SPDYE2B: variants seen among roughly 807,000 people sequenced by gnomAD.
SPDYE2B encodes the protein speedy protein E2B.
In SPDYE2B at chr7:102,662,245, G is replaced by C. The variant is rs1305834066; in HGVS notation, c.*1145G>C. Among the ~76,000 whole-genome samples, 1 of 38,736 alleles carries C rather than the reference G, an allele frequency of 2.6e-5. No individual in the cohort carries two copies. The highest frequency in any genetic ancestry group is 1.3e-3 in the East Asian group (1 of 776). The allele number at this position is 38,736 out of a possible 152,430, so 25.4% of individuals were successfully genotyped here. ...GTTATATACACATACATATAATTTT[G>C]TTTTCCTTTTTAAGAGAGGATTCTT... On this transcript the variant is annotated 3_prime_UTR_variant, in exon 9 of 9. Transcript: ENST00000507450.
At chr7:102,654,694 T>TCAA (rs1464567170) in intron 3 of SPDYE2B, among the ~76,000 whole-genome samples, 1 of 19,670 alleles carries the variant, frequency 5.1e-5, no homozygotes, top group African/African-American at 1.1e-4. Context: ...AGACTGTTTC[T>TCAA]CAACAACAAC....
chr7:102,654,324 C>CAAAAAAAAAAAAAAAAA (rs1284683166), intron 3 of SPDYE2B, among the ~76,000 whole-genome samples: 1 of 96,084 alleles, frequency 1.0e-5, no homozygotes, highest in South Asian at 4.2e-4. Flanking sequence ...GACGCTGTCT[C>CAAAAAAAAAAAAAAAAA]AAAAAAAAAA....
chr7:102,658,897 GC>G (rs1791916220), intron 6 of SPDYE2B, among the ~76,000 whole-genome samples: 2 of 144,664 alleles, frequency 1.4e-5, no homozygotes, highest in Admixed American at 7.0e-5. Context: ...AGACAGACTT[GC>G]CCTGTCCCCC....
intron 3 of SPDYE2B, among the ~76,000 whole-genome samples, chr7:102,654,541 CA>C (rs1791825897): frequency 2.1e-5 from 1 of 48,594 alleles, no homozygotes; most frequent in Non-Finnish European, 3.7e-5. Flanking sequence ...TCTAGAAGCA[CA>C]AAAATGAGCT....
chr7:102,660,014 GA>G lies in SPDYE2B; in HGVS notation c.1083del (p.Lys361AsnfsTer10). On this transcript the variant is annotated frameshift_variant, in exon 7 of 9. Transcript: ENST00000507450. LOFTEE classifies it high-confidence loss of function. ...ACCGCTCTCAGATAGTCCTGTTCCAGAAACGACGGTTCCACTTCTTCTGTTC... is the reference window on the plus strand; with the variant it reads ...ACCGCTCTCAGATAGTCCTGTTCCAGAACGACGGTTCCACTTCTTCTGTTC... The part of the protein sequence containing the change: ...KNRSQIVLFQ[K>X]RRFHFFCSMS... 3.3e-6 allele frequency: 1 copy of G among 304,484 alleles called. No individual in the cohort carries two copies. The highest frequency in any genetic ancestry group is 5.9e-5 in the East Asian group (1 of 16,866). The allele number at this position is 304,484 out of a possible 1,614,324, so 18.9% of individuals were successfully genotyped here. A position where few individuals can be genotyped will look rare whatever the true frequency, so the allele number is the denominator to read the frequency against.
At chr7:102,654,317 G>A (rs1399856761) in intron 3 of SPDYE2B, among the ~76,000 whole-genome samples, 2 of 92,114 alleles carry the variant, frequency 2.2e-5, no homozygotes, top group African/African-American at 5.6e-5. Context: ...AGAGTGAGAC[G>A]CTGTCTCAAA....
intron 5 of SPDYE2B, 113 bp downstream of exon 5, chr7:102,656,419 T>TA: frequency 1.6e-5 from 6 of 376,068 alleles, no homozygotes; most frequent in East Asian, 9.6e-5. Context: ...GCTCCTACAG[T>TA]CTTTTTTTTT....
chr7:102,653,560 TGAG>T lies in SPDYE2B; in HGVS notation c.274_276del (p.Glu92del), dbSNP rs1791772467. 1 of 588,436 alleles carries T rather than the reference TGAG, an allele frequency of 1.7e-6. No homozygotes were observed. Among genetic ancestry groups the T allele is most frequent in the African/African-American group, 2.0e-5 (1 of 49,664 alleles). 36.5% of individuals were successfully genotyped at this position (588,436 alleles called of 1,614,324 possible). On this transcript the variant is annotated inframe_deletion, in exon 3 of 9. Transcript: ENST00000507450. ...CGGAGAAGGAGCTCGCCCCTGAGCC[TGAG>T]GAGACCTGGGTAGTGGAGATGCTGT...
intron 3 of SPDYE2B, among the ~76,000 whole-genome samples, chr7:102,654,320 G>C (rs1725594): frequency 8.2e-5 from 6 of 72,970 alleles, no homozygotes; most frequent in Non-Finnish European, 1.3e-4. Context: ...GTGAGACGCT[G>C]TCTCAAAAAA....
Position 102,656,479 on chromosome 7 carries a change from C to T in SPDYE2B, c.669+173C>T, listed in dbSNP as rs879015839. ...TGTGTGTGTGTGAGACAGAGTCTTG[C>T]TCTGTTGCCCAGGCTGGAGGGCAGT... On this transcript the variant is annotated intron_variant, in intron 5 of 8. Coordinates refer to ENST00000507450, the MANE Select transcript of SPDYE2B (RefSeq NM_001166339.2). Among the ~76,000 whole-genome samples, 303 of 63,030 alleles carry T rather than the reference C, an allele frequency of 4.8e-3. No individual in the cohort carries two copies. The South Asian group carries it at 0.05, about 10-fold the overall frequency. 41.4% of individuals were successfully genotyped at this position (63,030 alleles called of 152,430 possible).
chr7:102,651,087 ATTTT>A lies in SPDYE2B; in HGVS notation c.-422+713_-422+716del, dbSNP rs1479819735. ...TCTCTGAATGTCATGTAACTCTTTT[ATTTT>A]TTATCAAAAAAACTTTTTTTGACAC... On this transcript the variant is annotated intron_variant, in intron 1 of 8. Coordinates refer to ENST00000507450, the MANE Select transcript of SPDYE2B (RefSeq NM_001166339.2). Among the ~76,000 whole-genome samples the A allele has an allele frequency of 2.2e-4, 25 of 115,946 alleles. No individual in the cohort carries two copies. In the South Asian group the frequency reaches 7.3e-3, roughly 34 times the overall value. The allele number at this position is 115,946 out of a possible 152,430, so 76.1% of individuals were successfully genotyped here.
rs1397393469 is a variant in SPDYE2B, at chr7:102,662,023, C to T, written c.*923C>T. Among the ~76,000 whole-genome samples, 1 of 36,546 alleles carries T rather than the reference C, an allele frequency of 2.7e-5. No homozygotes were observed. 24.0% of individuals were successfully genotyped at this position (36,546 alleles called of 152,430 possible). ...TATATACTAACACGTCTAATATATACTATCTATTTTATTGGTTTATTTTGA... is the reference window on the plus strand; with the variant it reads ...TATATACTAACACGTCTAATATATATTATCTATTTTATTGGTTTATTTTGA... On this transcript the variant is annotated 3_prime_UTR_variant, in exon 9 of 9. Coordinates refer to ENST00000507450, the MANE Select transcript of SPDYE2B (RefSeq NM_001166339.2).
chr7:102,659,008 G>A (rs1791919766), intron 6 of SPDYE2B, among the ~76,000 whole-genome samples: 1 of 150,340 alleles, frequency 6.7e-6, no homozygotes, highest in Non-Finnish European at 1.5e-5. Context: ...TCCGACTACA[G>A]GGCTGTGCCA....
rs1369367428 is a variant in SPDYE2B, at chr7:102,661,862, ATCTCT to A, written c.*766_*770del. Among the ~76,000 whole-genome samples the A allele has an allele frequency of 1.5e-4, 2 of 13,098 alleles. No individual in the cohort carries two copies. Among genetic ancestry groups the A allele is most frequent in the South Asian group, 9.0e-3 (2 of 222 alleles). 8.6% of individuals were successfully genotyped at this position (13,098 alleles called of 152,430 possible). On this transcript the variant is annotated 3_prime_UTR_variant, in exon 9 of 9. Coordinates refer to ENST00000507450, the MANE Select transcript of SPDYE2B (RefSeq NM_001166339.2). ...TTTTATCTATGATACTTCCATAATA[ATCTCT>A]TCTATTTATAGCTATTGGTAGTTCC...
Position 102,662,063 on chromosome 7 carries a change from GAATT to G in SPDYE2B, c.*965_*968del, listed in dbSNP as rs1791949078. ...GTTTATTTTGAAAAACATGGGTATA[GAATT>G]ATTTAAATATTATTTTATTTATTTA... On this transcript the variant is annotated 3_prime_UTR_variant, in exon 9 of 9. Transcript: ENST00000507450. Among the ~76,000 whole-genome samples the G allele has an allele frequency of 1.6e-5, 1 of 61,228 alleles. No individual in the cohort carries two copies. Among genetic ancestry groups the G allele is most frequent in the African/African-American group, 3.9e-5 (1 of 25,464 alleles). 40.2% of individuals were successfully genotyped at this position (61,228 alleles called of 152,430 possible).
chr7:102,656,420 C>CTTTT (rs1191321656), intron 5 of SPDYE2B, 114 bp downstream of exon 5: 79 of 229,464 alleles, frequency 3.4e-4, no homozygotes, highest in African/African-American at 7.2e-4. Context: ...CTCCTACAGT[C>CTTTT]TTTTTTTTTT....
chr7:102,659,123 G>A (rs1791923916), intron 6 of SPDYE2B, among the ~76,000 whole-genome samples: 2 of 152,106 alleles, frequency 1.3e-5, no homozygotes, highest in Admixed American at 6.5e-5. Context: ...TGCAACCTCC[G>A]CCTCCTGGGT....
At chr7:102,656,464 T>C (rs1179221105) in intron 5 of SPDYE2B, among the ~76,000 whole-genome samples, 158 bp downstream of exon 5, 3 of 67,940 alleles carry the variant, frequency 4.4e-5, no homozygotes, top group African/African-American at 1.1e-4. Flanking sequence ...TGTGTGTGTG[T>C]GAGACAGAGT....
intron 3 of SPDYE2B, among the ~76,000 whole-genome samples, chr7:102,654,385 G>A (rs1791820018): frequency 7.4e-6 from 1 of 135,838 alleles, no homozygotes; most frequent in African/African-American, 2.8e-5. Flanking sequence ...AGCACATGAG[G>A]AGGGTGTGTG....
Sources: allele counts gnomAD v4.1 joint callset (sites outside exome capture counted in the v4.1 genomes callset), GRCh38; gene constraint gnomAD v4.1.1; transcripts MANE v1.5; gene names NCBI Gene and HGNC (gene_info 2026-07-23, HGNC 2026-07-21).